Variants in ZNF165 observed in about 807,000 individuals in gnomAD.
ZNF165 encodes cancer/testis antigen 53.
ZNF165 carries 14 observed loss-of-function variants against 19.6 expected under a neutral mutation model. That is an observed-to-expected ratio of 0.71 (90% confidence interval 0.47 to 1.12). ZNF165 has a LOEUF of 1.12. Among genes scored for constraint, ZNF165 ranks in the 50% most tolerant of loss-of-function variants. The pLI is 0.00. For missense variants in ZNF165, 504 were observed against 566.3 expected (o/e 0.89, Z 1.12); for synonymous variants, 165 against 195.0 (o/e 0.85, Z 1.28).
chr6:28,085,697 C>T lies in ZNF165; in HGVS notation c.217C>T (p.Leu73Phe), dbSNP rs756031713. 6.2e-7 allele frequency: 1 copy of T among 1,614,100 alleles called. No individual in the cohort carries two copies. Among genetic ancestry groups the T allele is most frequent in the Non-Finnish European group, 8.5e-7 (1 of 1,180,042 alleles). ...PREALSRLRE[L>F]CCQWLKPEIH... ...CGAGGCACTGAGCCGCCTCCGGGAG[C>T]TCTGCTGTCAGTGGCTGAAGCCAGA... Residue 73 changes from leucine (L) to phenylalanine (F), a missense_variant, in exon 2 of 4, where the codon CTC becomes TTC. By Grantham distance (22) the Leu-to-Phe change is conservative (BLOSUM62 0). Coordinates refer to ENST00000683778, the MANE Select transcript of ZNF165 (RefSeq NM_001376491.1).
At chr6:28,080,282 A>C (rs1406386423), upstream of ZNF165, among the ~76,000 whole-genome samples, 1 of 152,180 alleles carries the variant, frequency 6.6e-6, no homozygotes, top group East Asian at 1.9e-4. Flanking sequence ...TCCCTTGTTC[A>C]GGTGTGCTCT....
chr6:28,086,889 A>G (rs1226248796), intron 3 of ZNF165, among the ~76,000 whole-genome samples: 1 of 152,226 alleles, frequency 6.6e-6, no homozygotes, highest in Non-Finnish European at 1.5e-5. Flanking sequence ...GAAAAGAGAA[A>G]AGAAGGAAAA....
At chr6:28,086,120 C>T (rs375828620) in intron 2 of ZNF165, 52 bp from the exon 3 acceptor site, 18 of 1,573,466 alleles carry the variant, frequency 1.1e-5, no homozygotes, top group African/African-American at 2.7e-5. Context: ...TGTTAGAAGA[C>T]GTTTAACACA....
At chr6:28,082,984 T>C (rs56364346) in intron 1 of ZNF165, among the ~76,000 whole-genome samples, 1 of 152,056 alleles carries the variant, frequency 6.6e-6, no homozygotes, top group Admixed American at 6.6e-5. Context: ...TCATGGAACA[T>C]CAATCAGTTG....
At chr6:28,082,895 A>G (rs976336938) in intron 1 of ZNF165, among the ~76,000 whole-genome samples, 2 of 152,260 alleles carry the variant, frequency 1.3e-5, no homozygotes, top group Non-Finnish European at 2.9e-5. Context: ...AACAGAAGTC[A>G]TCTGAAACTT....
At chr6:28,084,569 G>A (rs1423032974) in intron 1 of ZNF165, among the ~76,000 whole-genome samples, 1 of 152,144 alleles carries the variant, frequency 6.6e-6, no homozygotes, top group Non-Finnish European at 1.5e-5. Context: ...TGAGGAAGGA[G>A]AATCACTTGA....
Position 28,085,737 on chromosome 6 carries a change from A to T in ZNF165, c.257A>T (p.Glu86Val), listed in dbSNP as rs1561796977. Residue 86 changes from glutamate to valine, a missense_variant, in exon 2 of 4, where the codon GAA becomes GTA. Coordinates refer to ENST00000683778, the MANE Select transcript of ZNF165 (RefSeq NM_001376491.1). ...CTGAAGCCAGAGATCCATACCAAGGAACAGATTCTGGAACTGCTGGTGCTA... is the reference window on the plus strand; with the variant it reads ...CTGAAGCCAGAGATCCATACCAAGGTACAGATTCTGGAACTGCTGGTGCTA... ...QWLKPEIHTK[E>V]QILELLVLEQ... The T allele has an allele frequency of 1.2e-5, 19 of 1,613,728 alleles. No individual in the cohort carries two copies. The highest frequency in any genetic ancestry group is 1.6e-5 in the Non-Finnish European group (19 of 1,180,048).
chr6:28,085,623 G>A lies in ZNF165; in HGVS notation c.143G>A (p.Cys48Tyr). ...QRSELLKQELCRQLFRQFCYQ... is the reference protein window; with the variant it reads ...QRSELLKQELYRQLFRQFCYQ... ...AGTGAACTCCTTAAGCAGGAGCTCT[G>A]CAGGCAGCTTTTTAGGCAGTTCTGC... The change falls in exon 2 of 4, where the codon TGC becomes TAC. Residue 48 changes from cysteine (C) to tyrosine (Y), a missense_variant. Transcript: ENST00000683778. The A allele has an allele frequency of 1.2e-6, 2 of 1,614,220 alleles. No individual in the cohort carries two copies. Among genetic ancestry groups the A allele is most frequent in the Non-Finnish European group, 1.7e-6 (2 of 1,180,044 alleles).
At position 28,089,137 on chromosome 6, in the gene ZNF165, T is replaced by G. The variant is rs775489181; in HGVS notation, c.1125T>G (p.Asn375Lys). The G allele has an allele frequency of 1.2e-6, 2 of 1,614,182 alleles. No homozygotes were observed. The highest frequency in any genetic ancestry group is 1.7e-6 in the Non-Finnish European group (2 of 1,180,026). The change falls in exon 4 of 4, where the codon AAT (asparagine) becomes AAG (lysine). Residue 375 changes from asparagine (N) to lysine (K), a missense_variant. Transcript: ENST00000683778. ...CTGGAGAGAGATGCTATGAATGTAA[T>G]GAATGTGGGAAAAGCTTTGCAGAGA... ...IHTGERCYEC[N>K]ECGKSFAESS...
intron 1 of ZNF165, among the ~76,000 whole-genome samples, chr6:28,082,474 A>T (rs1764178511): frequency 6.6e-6 from 1 of 152,266 alleles, no homozygotes; most frequent in Non-Finnish European, 1.5e-5. Context: ...CAAGCCAGTG[A>T]TAAGATTTAC....
chr6:28,085,857 AT>A lies in ZNF165; in HGVS notation c.380del (p.Leu127TrpfsTer107). ...GAGGAGGCAGTGACCATACTAGAAGATTTGGAGAGAGGCACTGATGAAGCAG... is the reference window on the plus strand; with the variant it reads ...GAGGAGGCAGTGACCATACTAGAAGATTGGAGAGAGGCACTGATGAAGCAG... ...SGEEAVTILE[D>X]LERGTDEAVL... On this transcript the variant is annotated frameshift_variant, in exon 2 of 4. Coordinates refer to ENST00000683778, the MANE Select transcript of ZNF165 (RefSeq NM_001376491.1). LOFTEE classifies it high-confidence loss of function. The A allele has an allele frequency of 6.2e-7, 1 of 1,612,756 alleles. No individual in the cohort carries two copies. The highest frequency in any genetic ancestry group is 8.5e-7 in the Non-Finnish European group (1 of 1,179,996).
At chr6:28,081,625 A>G (rs1267566043) in intron 1 of ZNF165, 1 of 152,058 alleles carries the variant, frequency 6.6e-6, no homozygotes. Context: ...CTCTCCACCA[A>G]CAAAACTCTC....
rs565180308 is a variant in ZNF165, at chr6:28,086,678, C to T, written c.550+368C>T. Reference sequence around the variant, plus strand: ...GAGCTGAGACTGCGCCACTGCACTCCAGCCTGGGCGACAGAGCAAGACTCC... The same window carrying T: ...GAGCTGAGACTGCGCCACTGCACTCTAGCCTGGGCGACAGAGCAAGACTCC... On this transcript the variant is annotated intron_variant, in intron 3 of 3. Transcript: ENST00000683778. 1.8e-4 allele frequency among the ~76,000 whole-genome samples: 27 copies of T among 152,100 alleles called. No individual in the cohort carries two copies. In the East Asian group the frequency reaches 4.8e-3, roughly 27 times the overall value.
chr6:28,082,584 G>A (rs542389257), intron 1 of ZNF165, among the ~76,000 whole-genome samples: 141 of 152,356 alleles, frequency 9.3e-4, no homozygotes, highest in African/African-American at 3.3e-3. Context: ...GGCACAGATC[G>A]CTCATGCTAT....
intron 1 of ZNF165, among the ~76,000 whole-genome samples, chr6:28,082,321 G>A (rs1166191077): frequency 2.6e-5 from 4 of 151,396 alleles, no homozygotes; most frequent in East Asian, 1.9e-4. Context: ...AGACAAGCTC[G>A]GTCATGGAGA....
At chr6:28,083,878 A>G (rs1240350934) in intron 1 of ZNF165, among the ~76,000 whole-genome samples, 1 of 152,246 alleles carries the variant, frequency 6.6e-6, no homozygotes, top group Admixed American at 6.5e-5. Flanking sequence ...AACTCATTTT[A>G]TACTTCAACA....
chr6:28,084,921 G>A (rs917489374), intron 1 of ZNF165, among the ~76,000 whole-genome samples: 3 of 152,042 alleles, frequency 2.0e-5, no homozygotes, highest in East Asian at 1.9e-4. Flanking sequence ...CCTACTAAAC[G>A]TTTTGCTTTC....
At chr6:28,081,527 C>T (rs952621295) in intron 1 of ZNF165, 2 of 152,238 alleles carry the variant, frequency 1.3e-5, no homozygotes, top group African/African-American at 4.8e-5. Flanking sequence ...TTGAGAAACA[C>T]AAGGTACTAT....
intron 1 of ZNF165, among the ~76,000 whole-genome samples, chr6:28,084,198 G>T (rs1764217985): frequency 6.6e-6 from 1 of 152,192 alleles, no homozygotes; most frequent in South Asian, 2.1e-4. Flanking sequence ...TTCTACCAAA[G>T]ATCCCATATG....
Sources: gnomAD v4.1 joint callset for allele counts (sites outside exome capture counted in the v4.1 genomes callset) on GRCh38, gnomAD v4.1.1 for gene constraint, MANE v1.5 for transcripts, NCBI Gene and HGNC (gene_info 2026-07-23, HGNC 2026-07-21) for gene names.